Variants in POLK observed in about 807,000 individuals in gnomAD.
POLK encodes the protein DNA polymerase kappa, also known as polymerase (DNA directed) kappa.
In POLK, 76 loss-of-function variants were observed where a neutral mutation model predicts 94.0. The observed-to-expected ratio is 0.81, with a 90% CI of 0.67 to 0.98. The LOEUF is 0.98. Ranked by LOEUF, POLK falls within the 50% of genes least tolerant of loss-of-function variation. POLK has a pLI of 0.00. For synonymous variants in POLK, 349 were observed against 325.4 expected, an observed-to-expected ratio of 1.07 and a Z score of -0.78; for missense variants, 954 against 1,010.1, an observed-to-expected ratio of 0.94 and a Z score of 0.75.
At chr5:75,513,819 T>C (rs772852431) in intron 1 of POLK, among the ~76,000 whole-genome samples, 3 of 152,312 alleles carry the variant, frequency 2.0e-5, no homozygotes, top group Middle Eastern at 6.8e-3. Context: ...TGTACACATG[T>C]TCTTTCTGTC....
At chr5:75,609,270 A>T in the POLK span, 1 of 151,816 alleles carries the variant, frequency 6.6e-6, no homozygotes, top group African/African-American at 2.4e-5. Flanking sequence ...ATTAAAAAAA[A>T]ATTTTTTTTT....
intron 3 of POLK, among the ~76,000 whole-genome samples, chr5:75,563,991 G>A (rs1771131329): frequency 6.6e-6 from 1 of 152,080 alleles, no homozygotes; most frequent in African/African-American, 2.4e-5. Context: ...GTTGACAGTG[G>A]GGTGTTAAAG....
intron 7 of POLK, chr5:75,582,558 T>C (rs940759306): frequency 6.6e-6 from 1 of 152,226 alleles, no homozygotes; most frequent in Non-Finnish European, 1.5e-5. Context: ...TTTTGCTTTA[T>C]GTGGATAATC....
intron 1 of POLK, among the ~76,000 whole-genome samples, chr5:75,515,383 C>T (rs1318242864): frequency 2.6e-5 from 4 of 152,106 alleles, no homozygotes; most frequent in Non-Finnish European, 5.9e-5. Flanking sequence ...AATAGGGAGG[C>T]CTCAAGCAAT....
intron 9 of POLK, among the ~76,000 whole-genome samples, chr5:75,586,298 C>A (rs1364154757): frequency 6.6e-6 from 1 of 152,108 alleles, no homozygotes; most frequent in Non-Finnish European, 1.5e-5. Context: ...CTAATCCATT[C>A]CATATTTACT....
chr5:75,543,327 A>G (rs890068699), intron 1 of POLK, among the ~76,000 whole-genome samples: 1 of 152,194 alleles, frequency 6.6e-6, no homozygotes, highest in Non-Finnish European at 1.5e-5. Context: ...GGCATGAGTC[A>G]CTGCTCCCAG....
intron 1 of POLK, among the ~76,000 whole-genome samples, chr5:75,530,940 G>A (rs1769148733): frequency 6.6e-6 from 1 of 151,408 alleles, no homozygotes; most frequent in Admixed American, 6.6e-5. Context: ...CGAGTAGCTG[G>A]GACTACAGGT....
chr5:75,538,066 C>G (rs1254821829), intron 1 of POLK, among the ~76,000 whole-genome samples: 1 of 151,992 alleles, frequency 6.6e-6, no homozygotes, highest in Non-Finnish European at 1.5e-5. Flanking sequence ...CCATGTTAGC[C>G]AGGATGGTCT....
downstream of POLK, among the ~76,000 whole-genome samples, chr5:75,605,708 C>T (rs1258852106): frequency 6.6e-6 from 1 of 152,116 alleles, no homozygotes; most frequent in African/African-American, 2.4e-5. Flanking sequence ...TTATAAACCA[C>T]TAAGAAATAA....
chr5:75,574,915 A>G (rs1018547457), intron 5 of POLK, among the ~76,000 whole-genome samples: 1 of 152,240 alleles, frequency 6.6e-6, no homozygotes, highest in Non-Finnish European at 1.5e-5. Context: ...AAATCCTACA[A>G]AAGTTTAGTA....
chr5:75,589,516 T>C (rs1262726380), intron 10 of POLK, among the ~76,000 whole-genome samples: 1 of 151,814 alleles, frequency 6.6e-6, no homozygotes, highest in African/African-American at 2.4e-5. Context: ...AGTGGTGCGA[T>C]CTCGGTTCAC....
At chr5:75,559,505 GTTTTTTTGTTTTGTTTTGTTTTTTT>G (rs1170210853) in intron 3 of POLK, among the ~76,000 whole-genome samples, 1 of 70,080 alleles carries the variant, frequency 1.4e-5, no homozygotes, top group South Asian at 5.8e-4. Context: ...TTTGGGGTTT[GTTTTTTTGTTTTGTTTTGTTTTTTT>G]TTTTTTTTTT....
At chr5:75,538,512 AT>A (rs1281750324) in intron 1 of POLK, 1 of 152,220 alleles carries the variant, frequency 6.6e-6, no homozygotes, top group South Asian at 2.1e-4. Flanking sequence ...TTCAAAAAAA[AT>A]AAATGTTACT....
intron 1 of POLK, among the ~76,000 whole-genome samples, chr5:75,522,227 A>G (rs969534737): frequency 9.9e-5 from 15 of 152,216 alleles, no homozygotes; most frequent in Non-Finnish European, 1.9e-4. Context: ...ACTGTGAGTC[A>G]GGGAAATTTT....
chr5:75,558,037 C>T lies in POLK; in HGVS notation c.255+5446C>T, dbSNP rs570679485. Reference sequence around the variant, plus strand: ...CTCCTGAGCTCAAGTGATCCACCTGCCTCGGCCTCCAAAAGTGCTGGGATT... The same window carrying T: ...CTCCTGAGCTCAAGTGATCCACCTGTCTCGGCCTCCAAAAGTGCTGGGATT... On this transcript the variant is annotated intron_variant, in intron 3 of 14. Coordinates refer to ENST00000241436, the Ensembl canonical transcript of POLK. Among the ~76,000 whole-genome samples, 3 of 152,262 alleles carry T rather than the reference C, an allele frequency of 2.0e-5. No individual in the cohort carries two copies. The South Asian group carries it at 6.2e-4, about 32-fold the overall frequency.
chr5:75,533,294 T>C (rs1253536134), intron 1 of POLK, among the ~76,000 whole-genome samples: 1 of 152,220 alleles, frequency 6.6e-6, no homozygotes, highest in Non-Finnish European at 1.5e-5. Flanking sequence ...GTTTCAGTCT[T>C]ATGGATGTGG....
intron 1 of POLK, among the ~76,000 whole-genome samples, chr5:75,534,465 T>C (rs1357818947): frequency 6.6e-6 from 1 of 152,146 alleles, no homozygotes; most frequent in African/African-American, 2.4e-5. Flanking sequence ...TTACCTCCTG[T>C]ACTGTTTTAT....
intron 1 of POLK, among the ~76,000 whole-genome samples, chr5:75,522,361 T>A (rs1457480825): frequency 6.6e-6 from 1 of 152,196 alleles, no homozygotes; most frequent in African/African-American, 2.4e-5. Flanking sequence ...TTGATCTACA[T>A]ATTTGAGTTC....
At chr5:75,598,002 A>C (rs779496946) in exon 15 of POLK, 3 of 1,338,408 alleles carry the variant, frequency 2.2e-6, no homozygotes, top group Non-Finnish European at 3.1e-6. Context: ...CATACCCTTG[A>C]TATATTTTTT....
Sources: allele counts gnomAD v4.1 joint callset (sites outside exome capture counted in the v4.1 genomes callset), GRCh38; gene constraint gnomAD v4.1.1; transcripts MANE v1.5; gene names NCBI Gene and HGNC (gene_info 2026-07-23, HGNC 2026-07-21).